YTHDC1: variants seen among roughly 807,000 people sequenced by gnomAD.
YTHDC1 encodes YTH N6-methyladenosine RNA binding protein C1.
In YTHDC1, 12 loss-of-function variants were observed where a neutral mutation model predicts 107.0. That is an observed-to-expected ratio of 0.11 (90% CI 0.07 to 0.18). The LOEUF (loss-of-function observed/expected upper bound fraction) is 0.18, where lower values mean the gene tolerates loss of function less well. Among genes scored for constraint, YTHDC1 ranks in the 10% least tolerant of loss-of-function variants. YTHDC1 has a pLI of 1.00. For missense variants in YTHDC1, 635 were observed against 898.8 expected (o/e 0.71, Z 3.75); for synonymous variants, 280 against 289.5 (o/e 0.97, Z 0.33).
At chr4:68,336,621 T>C (rs1724198795) in intron 4 of YTHDC1, among the ~76,000 whole-genome samples, 1 of 152,218 alleles carries the variant, frequency 6.6e-6, no homozygotes, top group Non-Finnish European at 1.5e-5. Flanking sequence ...TGAAGCCATA[T>C]GATGGAAATC....
intron 1 of YTHDC1, among the ~76,000 whole-genome samples, chr4:68,339,159 A>G (rs1380001110): frequency 2.0e-5 from 3 of 152,214 alleles, no homozygotes; most frequent in African/African-American, 4.8e-5. Flanking sequence ...CAGATAATCA[A>G]AGTTAACATC....
chr4:68,320,261 G>C, intron 11 of YTHDC1, 56 bp from the exon 12 acceptor site: 1 of 1,323,074 alleles, frequency 7.6e-7, no homozygotes, highest in Non-Finnish European at 1.1e-6. Flanking sequence ...AGAACAAAGA[G>C]TAAAGCAAGA....
intron 15 of YTHDC1, 68 bp from the exon 16 acceptor site, chr4:68,316,516 C>T (rs1232659753): frequency 1.3e-6 from 2 of 1,535,810 alleles, no homozygotes; most frequent in South Asian, 2.6e-5. Flanking sequence ...TTCTTAGAAC[C>T]CTTCATCCAA....
chr4:68,315,276 C>T (rs1186080395), intron 16 of YTHDC1, among the ~76,000 whole-genome samples: 2 of 152,070 alleles, frequency 1.3e-5, no homozygotes, highest in East Asian at 3.9e-4. Context: ...AATTATTTTA[C>T]AGAATGTTAG....
In YTHDC1 at chr4:68,330,075, T is replaced by C. The variant is rs780134773; in HGVS notation, c.1276A>G (p.Ile426Val). ...SSESHHGGSP[I>V]HWVLPAGMSA... The stretch of plus-strand genomic sequence containing the variant: ...ATTCCTGCTGGAAGCACCCAGTGTA[T>C]AGGAGATCCTCCGTGATGTGATTCT... The change falls in exon 9 of 17, where the codon ATA becomes GTA. Residue 426 changes from isoleucine (I) to valine (V), a missense_variant. Ile to Val is a conservative substitution (Grantham distance 29, BLOSUM62 3). This residue lies in a region of YTHDC1 where 60 missense variants were observed against 172.0 expected (regional missense o/e 0.35). Transcript: ENST00000344157. The C allele has an allele frequency of 5.0e-6, 8 of 1,613,776 alleles. No individual in the cohort carries two copies. Among genetic ancestry groups the C allele is most frequent in the African/African-American group, 1.3e-5 (1 of 75,050 alleles).
At position 68,318,400 on chromosome 4, in the gene YTHDC1, G is replaced by A. The variant is rs777319225; in HGVS notation, c.1824+119C>T. The A allele has an allele frequency of 7.1e-5, 72 of 1,013,994 alleles. 1 individual carries two copies. The highest frequency in any genetic ancestry group is 5.5e-4 in the South Asian group (31 of 55,926). 62.8% of individuals were successfully genotyped at this position (1,013,994 alleles called of 1,614,324 possible). On this transcript the variant is annotated intron_variant, in intron 15 of 16. Transcript: ENST00000344157. ...TGGGACTGCAGGTGTGAGCCACGGC[G>A]CCTGGCCAGTTTAAGTCTCTTTAAT...
At chr4:68,349,630 A>AGCCCCCCCCC in intron 1 of YTHDC1, 96 bp downstream of exon 1, 20 of 153,364 alleles carry the variant, frequency 1.3e-4, no homozygotes, top group South Asian at 4.0e-4. Context: ...TAACCTCCCC[A>AGCCCCCCCCC]ACCCCCACCC....
intron 9 of YTHDC1, among the ~76,000 whole-genome samples, chr4:68,328,824 T>C (rs1253896960): frequency 2.0e-5 from 3 of 152,192 alleles, no homozygotes; most frequent in African/African-American, 4.8e-5. Context: ...GCCTACTACA[T>C]ACCTAGGATA....
At position 68,320,126 on chromosome 4, in the gene YTHDC1, G is replaced by A; in HGVS notation, c.1681C>T (p.Pro561Ser). 4 of 1,594,254 alleles carry A rather than the reference G, an allele frequency of 2.5e-6. No individual in the cohort carries two copies. Among genetic ancestry groups the A allele is most frequent in the Non-Finnish European group, 3.4e-6 (4 of 1,170,556 alleles). ...IDYPPEFHQRPGYLKDPRYQE... is the reference protein window; with the variant it reads ...IDYPPEFHQRSGYLKDPRYQE... ...TGCAGGATTATAAAATATTAACCTG[G>A]TCTCTGGTGAAACTCAGGGGGATAG... The change falls in exon 12 of 17, where the codon CCA (proline) becomes TCA (serine). Residue 561 changes from proline (P) to serine (S), a missense_variant. Around this residue, in one of 5 missense-constraint regions of YTHDC1, gnomAD observed 256 missense variants for 372.9 expected, o/e 0.69. Transcript: ENST00000344157.
rs200261354 is a variant in YTHDC1 at position 68,318,889 on chromosome 4, A to T, written c.1685-27T>A. On this transcript the variant is annotated intron_variant, in intron 12 of 16. Transcript: ENST00000344157. ...TGTTCAAACATCAAGCATTTTAGTA[A>T]ATCAAATTTATATTTTTCTTTTATG... The T allele has an allele frequency of 5.6e-6, 9 of 1,612,042 alleles. No homozygotes were observed. In the Admixed American group the frequency reaches 1.3e-4, roughly 24 times the overall value.
intron 1 of YTHDC1, 122 bp from the exon 2 acceptor site, chr4:68,338,506 A>C: frequency 1.6e-6 from 1 of 633,724 alleles, no homozygotes; most frequent in Non-Finnish European, 2.6e-6. Flanking sequence ...AAAAAGCTTT[A>C]CTTTTATTTC....
intron 1 of YTHDC1, among the ~76,000 whole-genome samples, chr4:68,342,990 C>T (rs1725015705): frequency 1.3e-5 from 2 of 152,070 alleles, no homozygotes; most frequent in African/African-American, 4.8e-5. Context: ...TGTATACTTT[C>T]AATTACTTCA....
rs1578010351 is a variant in YTHDC1 at position 68,314,147 on chromosome 4, T to C, written c.2136A>G (p.Leu712=). The C allele has an allele frequency of 3.1e-6, 5 of 1,613,978 alleles. No individual in the cohort carries two copies. The Admixed American group carries it at 6.7e-5, about 22-fold the overall frequency. ...CCCCTCGGTCTCTGTCTCGATCACA[T>C]AATCGCTCTCTTTCTCTTTCTCTAT... ...GRDRERERER[L]CDRDRDRGER... is the part of the protein sequence containing the mutation. The change falls in exon 17 of 17, where the codon TTA becomes TTG. Residue 712 remains leucine, a synonymous_variant. Transcript: ENST00000344157.
rs1390999410 is a variant in YTHDC1 at position 68,349,640 on chromosome 4, C to T, written c.28+86G>A. On this transcript the variant is annotated intron_variant, in intron 1 of 16. Coordinates refer to ENST00000344157, the MANE Select transcript of YTHDC1 (RefSeq NM_001031732.4). ...CCAGCTAACCTCCCCAACCCCCACCCCCCACCCCCAACGACGACCACTGCT... is the reference window on the plus strand; with the variant it reads ...CCAGCTAACCTCCCCAACCCCCACCTCCCACCCCCAACGACGACCACTGCT... The T allele has an allele frequency of 1.8e-5, 7 of 386,966 alleles. 2 individuals are homozygous for T. The highest frequency in any genetic ancestry group is 9.4e-5 in the African/African-American group (4 of 42,700). 24.0% of individuals were successfully genotyped at this position (386,966 alleles called of 1,614,324 possible).
chr4:68,324,408 T>TA (rs953292983), intron 9 of YTHDC1, among the ~76,000 whole-genome samples, 185 bp from the exon 10 acceptor site: 5 of 152,206 alleles, frequency 3.3e-5, no homozygotes, highest in African/African-American at 1.2e-4. Flanking sequence ...TCCAGTTTTC[T>TA]AAAAAAGAGC....
At chr4:68,346,007 T>C (rs571381956) in intron 1 of YTHDC1, among the ~76,000 whole-genome samples, 7 of 151,572 alleles carry the variant, frequency 4.6e-5, no homozygotes, top group Admixed American at 1.3e-4. Flanking sequence ...CCCATCTTCA[T>C]TGTTAAATGA....
At chr4:68,314,455 G>T in intron 16 of YTHDC1, 132 bp from the exon 17 acceptor site, 1 of 718,844 alleles carries the variant, frequency 1.4e-6, no homozygotes, top group Non-Finnish European at 2.1e-6. Flanking sequence ...ATTATAATCG[G>T]CGGAGAGAAC....
At chr4:68,338,464 C>T (rs2109732489) in intron 1 of YTHDC1, 80 bp from the exon 2 acceptor site, 2 of 968,712 alleles carry the variant, frequency 2.1e-6, no homozygotes, top group Non-Finnish European at 3.0e-6. Context: ...AAGTGTGAGG[C>T]CACAAGCGCC....
chr4:68,323,522 G>T (rs1722659647), intron 10 of YTHDC1, among the ~76,000 whole-genome samples: 1 of 152,148 alleles, frequency 6.6e-6, no homozygotes, highest in Non-Finnish European at 1.5e-5. Context: ...GAGGCCAGGA[G>T]TTTGAGACCA....
Sources: gnomAD v4.1 joint callset for allele counts (sites outside exome capture counted in the v4.1 genomes callset) on GRCh38, gnomAD v4.1.1 for gene constraint, gnomAD v4.1.1 regional missense constraint, MANE v1.5 for transcripts, NCBI Gene and HGNC (gene_info 2026-07-23, HGNC 2026-07-21) for gene names.